The following DAG1 variants were observed in gnomAD, a reference collection of about 807,000 sequenced individuals.
DAG1 encodes the protein dystroglycan 1 (dystrophin-associated glycoprotein 1).
In DAG1, 8 loss-of-function variants were observed where a neutral mutation model predicts 46.1. That is an observed-to-expected ratio of 0.17 (90% CI 0.10 to 0.31). The LOEUF is 0.31. Among genes scored for constraint, DAG1 ranks in the 10% least tolerant of loss-of-function variants. The pLI, the probability that DAG1 is intolerant of heterozygous loss-of-function variation, is 1.00. For synonymous variants in DAG1, 495 were observed against 481.8 expected, an observed-to-expected ratio of 1.03 and a Z score of -0.36; for missense variants, 1,003 against 1,189.9, an observed-to-expected ratio of 0.84 and a Z score of 2.31.
intron 1 of DAG1, among the ~76,000 whole-genome samples, chr3:49,504,649 C>T (rs1348340973): frequency 2.3e-5 from 3 of 129,734 alleles, no homozygotes; most frequent in Non-Finnish European, 3.2e-5. Context: ...TGCAGTGGCA[C>T]GATCTCGGCT....
intron 1 of DAG1, 176 bp from the exon 2 acceptor site, chr3:49,510,243 A>G (rs1332370038): frequency 2.6e-5 from 14 of 532,330 alleles, no homozygotes; most frequent in Admixed American, 3.5e-5. Context: ...TGGATCAGCT[A>G]CATTTCCAGT....
intron 1 of DAG1, among the ~76,000 whole-genome samples, chr3:49,504,337 AT>A (rs1261235809): frequency 2.6e-5 from 4 of 151,216 alleles, no homozygotes. Flanking sequence ...TAGTTCATTC[AT>A]TTTTATTGTT....
At chr3:49,523,305 T>G (rs2051085077) in intron 2 of DAG1, among the ~76,000 whole-genome samples, 1 of 152,192 alleles carries the variant, frequency 6.6e-6, no homozygotes, top group Admixed American at 6.5e-5. Flanking sequence ...CTTGAACTTC[T>G]GGCCTCAAAC....
chr3:49,482,488 G>A (rs539504375), intron 1 of DAG1, among the ~76,000 whole-genome samples: 11 of 152,188 alleles, frequency 7.2e-5, no homozygotes, highest in African/African-American at 2.7e-4. Flanking sequence ...CTGCCCTATG[G>A]GGGGAGGCGA....
intron 1 of DAG1, among the ~76,000 whole-genome samples, chr3:49,484,552 T>G (rs1424834472): frequency 6.6e-6 from 1 of 152,208 alleles, no homozygotes; most frequent in Non-Finnish European, 1.5e-5. Flanking sequence ...GTATGCTTTC[T>G]TCCTGTGGAG....
chr3:49,498,433 C>T (rs2050368670), intron 1 of DAG1, among the ~76,000 whole-genome samples: 1 of 151,790 alleles, frequency 6.6e-6, no homozygotes, highest in Non-Finnish European at 1.5e-5. Flanking sequence ...CTCAAATAAA[C>T]AATGACTTCA....
At chr3:49,483,141 A>T (rs1009753597) in intron 1 of DAG1, among the ~76,000 whole-genome samples, 2 of 151,866 alleles carry the variant, frequency 1.3e-5, no homozygotes, top group Non-Finnish European at 2.9e-5. Flanking sequence ...TTTCCATAAA[A>T]CATGCATGTG....
chr3:49,504,962 A>AGTT (rs2050562400), intron 1 of DAG1, among the ~76,000 whole-genome samples: 2 of 87,532 alleles, frequency 2.3e-5, no homozygotes, highest in Non-Finnish European at 4.7e-5. Context: ...CCACCATTAC[A>AGTT]GTCTTCTTCT....
intron 1 of DAG1, among the ~76,000 whole-genome samples, chr3:49,486,120 A>G (rs2050017020): frequency 6.6e-6 from 1 of 152,126 alleles, no homozygotes; most frequent in Non-Finnish European, 1.5e-5. Flanking sequence ...TGCCAGCAGA[A>G]GCCAGGGTGG....
intron 1 of DAG1, among the ~76,000 whole-genome samples, chr3:49,500,761 A>G (rs1178564823): frequency 1.3e-5 from 2 of 152,206 alleles, no homozygotes; most frequent in Non-Finnish European, 2.9e-5. Flanking sequence ...TGTGGTTCCC[A>G]AGCACTCTTT....
At chr3:49,507,224 G>A (rs2050628042) in intron 1 of DAG1, among the ~76,000 whole-genome samples, 1 of 152,086 alleles carries the variant, frequency 6.6e-6, no homozygotes, top group East Asian at 1.9e-4. Flanking sequence ...ACTTACCGCT[G>A]ATGTCATTCA....
intron 2 of DAG1, among the ~76,000 whole-genome samples, chr3:49,523,127 T>G (rs1056000582): frequency 6.6e-6 from 1 of 152,184 alleles, no homozygotes; most frequent in African/African-American, 2.4e-5. Context: ...CTGGCAGCCC[T>G]TAGAGGATTA....
At chr3:49,486,625 C>T (rs1415809126) in intron 1 of DAG1, among the ~76,000 whole-genome samples, 1 of 152,016 alleles carries the variant, frequency 6.6e-6, no homozygotes, top group Non-Finnish European at 1.5e-5. Context: ...AACTCAGCCT[C>T]CCAAGTAGCT....
intron 1 of DAG1, among the ~76,000 whole-genome samples, chr3:49,486,334 T>G (rs2050025664): frequency 6.6e-6 from 1 of 151,990 alleles, no homozygotes; most frequent in African/African-American, 2.4e-5. Flanking sequence ...TTCTCCTGCC[T>G]CAGCCTCCCT....
At chr3:49,499,007 G>A (rs970404435) in intron 1 of DAG1, among the ~76,000 whole-genome samples, 1 of 152,166 alleles carries the variant, frequency 6.6e-6, no homozygotes, top group African/African-American at 2.4e-5. Flanking sequence ...ACTGCACCTG[G>A]CCATTCCTTA....
chr3:49,522,352 A>C (rs2051053351), intron 2 of DAG1, among the ~76,000 whole-genome samples: 1 of 151,692 alleles, frequency 6.6e-6, no homozygotes, highest in Admixed American at 6.6e-5. Context: ...TTTTTAGTAG[A>C]GATGGGCTTT....
chr3:49,482,340 G>A (rs917922224), intron 1 of DAG1, among the ~76,000 whole-genome samples: 6 of 152,156 alleles, frequency 3.9e-5, no homozygotes, highest in African/African-American at 1.4e-4. Context: ...GGTCTATGCT[G>A]AGGTGGATTA....
intron 2 of DAG1, among the ~76,000 whole-genome samples, chr3:49,526,889 A>G (rs1367720817): frequency 1.3e-5 from 2 of 150,686 alleles, no homozygotes; most frequent in South Asian, 2.1e-4. Context: ...CATAATATTA[A>G]CATGTTTTTA....
chr3:49,494,117 A>G (rs2050252556), intron 1 of DAG1, among the ~76,000 whole-genome samples: 1 of 152,176 alleles, frequency 6.6e-6, no homozygotes, highest in Non-Finnish European at 1.5e-5. Context: ...TTGTTCTTTT[A>G]TAAACACAGT....
Sources: allele counts gnomAD v4.1 joint callset (sites outside exome capture counted in the v4.1 genomes callset), GRCh38; gene constraint gnomAD v4.1.1; transcripts MANE v1.5; gene names NCBI Gene and HGNC (gene_info 2026-07-23, HGNC 2026-07-21).